The following KCNIP4 variants were observed in gnomAD, a reference collection of about 807,000 sequenced individuals.
KCNIP4 encodes Kv channel-interacting protein 4.
A neutral mutation model predicts 34.0 loss-of-function variants in KCNIP4; 12 were observed. The observed-to-expected ratio is 0.35, with a 90% confidence interval of 0.23 to 0.57. The LOEUF (loss-of-function observed/expected upper bound fraction) is 0.57. KCNIP4 is among the 20% of genes least tolerant of loss of function. The pLI is 0.83. For missense variants in KCNIP4, 238 were observed against 311.7 expected, an observed-to-expected ratio of 0.76 and a Z score of 1.78; for synonymous variants, 124 against 102.2, an observed-to-expected ratio of 1.21 and a Z score of -1.29.
At chr4:21,247,946 T>TATAC (rs1360675321) in intron 1 of KCNIP4, among the ~76,000 whole-genome samples, 2 of 132,838 alleles carry the variant, frequency 1.5e-5, no homozygotes, top group African/African-American at 6.0e-5. Flanking sequence ...CATATATATA[T>TATAC]ACACACACAT....
chr4:21,527,420 G>T (rs1379594029), intron 1 of KCNIP4, among the ~76,000 whole-genome samples: 1 of 152,142 alleles, frequency 6.6e-6, no homozygotes, highest in African/African-American at 2.4e-5. Context: ...CATGGAAGAT[G>T]TTGCAACATA....
chr4:21,319,168 C>A (rs1452252077), intron 1 of KCNIP4, among the ~76,000 whole-genome samples: 3 of 152,192 alleles, frequency 2.0e-5, no homozygotes, highest in African/African-American at 7.2e-5. Context: ...AAAGATAAAT[C>A]TAAAGGGAGC....
At chr4:21,719,386 G>C (rs1272723518) in intron 1 of KCNIP4, among the ~76,000 whole-genome samples, 1 of 152,146 alleles carries the variant, frequency 6.6e-6, no homozygotes, top group Non-Finnish European at 1.5e-5. Flanking sequence ...AACCTATGGG[G>C]AGAACAGCAT....
intron 3 of KCNIP4, among the ~76,000 whole-genome samples, chr4:20,848,801 TAAAAA>T (rs1720680265): frequency 6.6e-6 from 1 of 151,886 alleles, no homozygotes; most frequent in African/African-American, 2.4e-5. Context: ...AATCCAATGT[TAAAAA>T]GAAAAAAAAA....
intron 1 of KCNIP4, among the ~76,000 whole-genome samples, chr4:21,694,914 C>CAAAA (rs368053041): frequency 8.0e-4 from 37 of 46,500 alleles, no homozygotes; most frequent in African/African-American, 2.2e-3. Context: ...CACGATTGAC[C>CAAAA]AAAAAAAAAA....
chr4:21,874,755 T>A (rs1726010490), intron 1 of KCNIP4, among the ~76,000 whole-genome samples: 1 of 152,234 alleles, frequency 6.6e-6, no homozygotes, highest in Non-Finnish European at 1.5e-5. Context: ...AGGATTCTAA[T>A]TTATATAAAT....
intron 1 of KCNIP4, among the ~76,000 whole-genome samples, chr4:21,238,702 C>A: frequency 6.6e-6 from 1 of 152,140 alleles, no homozygotes; most frequent in East Asian, 1.9e-4. Flanking sequence ...AGGAGAACTA[C>A]AAACCACTGC....
intron 1 of KCNIP4, among the ~76,000 whole-genome samples, chr4:21,331,630 C>G (rs370465542): frequency 4.6e-5 from 7 of 152,098 alleles, no homozygotes; most frequent in Non-Finnish European, 8.8e-5. Flanking sequence ...AGGTCTTATA[C>G]TAAGTGCTGA....
chr4:21,000,660 G>A (rs1195429835), intron 1 of KCNIP4, among the ~76,000 whole-genome samples: 1 of 151,714 alleles, frequency 6.6e-6, no homozygotes, highest in Admixed American at 6.6e-5. Flanking sequence ...ACTCCAGCCT[G>A]TGCAAAAAGA....
intron 1 of KCNIP4, among the ~76,000 whole-genome samples, chr4:21,934,924 AAATAT>A (rs1364303447): frequency 4.6e-5 from 7 of 152,204 alleles, no homozygotes; most frequent in African/African-American, 1.7e-4. Flanking sequence ...CTAGCACCCC[AAATAT>A]AATATTGAAC....
intron 1 of KCNIP4, among the ~76,000 whole-genome samples, chr4:21,588,400 G>A (rs1321104538): frequency 2.0e-5 from 3 of 151,860 alleles, no homozygotes; most frequent in African/African-American, 7.3e-5. Context: ...CCTCAAGATG[G>A]CAACCTTAAA....
At chr4:21,091,301 C>T (rs1055589097) in intron 1 of KCNIP4, among the ~76,000 whole-genome samples, 3 of 151,998 alleles carry the variant, frequency 2.0e-5, no homozygotes, top group Admixed American at 6.6e-5. Flanking sequence ...AAACCATTAA[C>T]AAGTAAATTC....
At chr4:21,445,064 C>A (rs564817929) in intron 1 of KCNIP4, among the ~76,000 whole-genome samples, 1 of 152,154 alleles carries the variant, frequency 6.6e-6, no homozygotes, top group Non-Finnish European at 1.5e-5. Flanking sequence ...ATCCAACTTA[C>A]AAGGGATGTG....
intron 1 of KCNIP4, among the ~76,000 whole-genome samples, chr4:21,133,310 A>G (rs1208606298): frequency 3.3e-5 from 5 of 152,216 alleles, no homozygotes; most frequent in Admixed American, 2.0e-4. Context: ...TTTATTCAAC[A>G]AATGATGGAG....
At chr4:21,760,872 A>C (rs1718003158) in intron 1 of KCNIP4, among the ~76,000 whole-genome samples, 1 of 152,110 alleles carries the variant, frequency 6.6e-6, no homozygotes, top group Non-Finnish European at 1.5e-5. Flanking sequence ...GAATGACCAA[A>C]ACATATCTTA....
At chr4:21,267,072 T>G (rs1761859566) in intron 1 of KCNIP4, among the ~76,000 whole-genome samples, 1 of 152,184 alleles carries the variant, frequency 6.6e-6, no homozygotes, top group African/African-American at 2.4e-5. Flanking sequence ...CCAGCTCAGC[T>G]ATGACCACTG....
chr4:21,153,378 G>A (rs958151472), intron 1 of KCNIP4, among the ~76,000 whole-genome samples: 1 of 151,632 alleles, frequency 6.6e-6, no homozygotes, highest in African/African-American at 2.4e-5. Context: ...TTTCTATTAT[G>A]AATGACATTG....
chr4:21,547,355 T>C (rs1055912534), intron 1 of KCNIP4, among the ~76,000 whole-genome samples: 7 of 152,116 alleles, frequency 4.6e-5, no homozygotes, highest in Non-Finnish European at 8.8e-5. Context: ...TTAAATTTAA[T>C]TAAACTAAAT....
At chr4:21,176,253 T>C (rs7693238) in intron 1 of KCNIP4, among the ~76,000 whole-genome samples, 54,747 of 151,986 alleles carry the variant, frequency 0.36, 10,849 homozygotes, top group African/African-American at 0.54. Context: ...GCCTTTGTTT[T>C]CTCCTCTGAA....
Sources: allele counts gnomAD v4.1 joint callset (sites outside exome capture counted in the v4.1 genomes callset), GRCh38; gene constraint gnomAD v4.1.1; transcripts MANE v1.5; gene names NCBI Gene and HGNC (gene_info 2026-07-23, HGNC 2026-07-21).